The following SVIL variants were observed in gnomAD, a reference collection of about 807,000 sequenced individuals.
SVIL encodes supervillin.
A neutral mutation model predicts 240.4 loss-of-function variants in SVIL; 101 were observed. That is an observed-to-expected ratio of 0.42 (90% CI 0.36 to 0.50). The LOEUF (loss-of-function observed/expected upper bound fraction) is 0.50. Among genes scored for constraint, SVIL ranks in the 20% least tolerant of loss-of-function variants. SVIL has a pLI of 0.01. For synonymous variants in SVIL, 999 were observed against 1,100.0 expected (o/e 0.91, Z 1.82); for missense variants, 2,512 against 2,818.7 (o/e 0.89, Z 2.46).
intron 6 of SVIL, among the ~76,000 whole-genome samples, chr10:29,537,740 G>A (rs1951841460): frequency 6.6e-6 from 1 of 152,148 alleles, no homozygotes; most frequent in South Asian, 2.1e-4. Flanking sequence ...TTTGGTTGGA[G>A]GGGACAGGCA....
chr10:29,711,431 T>C (rs1409634656), intron 1 of SVIL, among the ~76,000 whole-genome samples: 1 of 87,832 alleles, frequency 1.1e-5, no homozygotes, highest in Non-Finnish European at 2.4e-5. Flanking sequence ...GGAAAACAAA[T>C]GCCACCAACA....
chr10:29,638,359 G>A (rs1049153850), upstream of SVIL, among the ~76,000 whole-genome samples: 4 of 152,070 alleles, frequency 2.6e-5, no homozygotes, highest in East Asian at 1.9e-4. Flanking sequence ...CCAGCTTCTC[G>A]GGAGGCTGAG....
Position 29,481,568 on chromosome 10 carries a change from TTGG to T in SVIL, c.5100+13_5100+15del. Reference sequence around the variant, plus strand: ...CGAACCAAGCCCCGAGTTTTGAGGCTTGGTCGCCGGAATACCTTGTGCTGGGCA... The same window carrying T: ...CGAACCAAGCCCCGAGTTTTGAGGCTTCGCCGGAATACCTTGTGCTGGGCA... On this transcript the variant is annotated intron_variant, in intron 28 of 37. Coordinates refer to ENST00000355867, the MANE Select transcript of SVIL (RefSeq NM_021738.3). 1 of 1,612,740 alleles carries T rather than the reference TTGG, an allele frequency of 6.2e-7. No individual in the cohort carries two copies. The highest frequency in any genetic ancestry group is 1.3e-5 in the African/African-American group (1 of 74,854).
At chr10:29,559,215 T>A (rs1331257164) in intron 3 of SVIL, among the ~76,000 whole-genome samples, 2 of 152,008 alleles carry the variant, frequency 1.3e-5, no homozygotes, top group Admixed American at 6.6e-5. Flanking sequence ...TTCAAAAAAA[T>A]TTTTTGTAAT....
At chr10:29,514,570 C>G (rs965610965) in intron 16 of SVIL, among the ~76,000 whole-genome samples, 1 of 152,144 alleles carries the variant, frequency 6.6e-6, no homozygotes, top group Non-Finnish European at 1.5e-5. Flanking sequence ...TTGGTAGAGA[C>G]AGGTGCTTGC....
chr10:29,480,720 C>T lies in SVIL; in HGVS notation c.5194G>A (p.Val1732Ile), dbSNP rs141091614. The T allele has an allele frequency of 6.9e-5, 112 of 1,614,180 alleles. No homozygotes were observed. Among genetic ancestry groups the T allele is most frequent in the Middle Eastern group, 3.3e-4 (2 of 6,062 alleles). Residue 1732 changes from valine to isoleucine, a missense_variant, in exon 29 of 38, where the codon GTC becomes ATC. Val to Ile is a conservative substitution (Grantham distance 29, BLOSUM62 3). Transcript: ENST00000355867. ...TAGTILDGVN[V>I]GRGYGLVEGH... ...TCCACCAGGCCATAGCCACGGCCGA[C>T]GTTCACTCCGTCCAGGATGGTGCCT...
rs765922266 is a variant in SVIL, at chr10:29,554,790, G to A, written c.153C>T (p.Pro51=). 8.1e-6 allele frequency: 13 copies of A among 1,596,560 alleles called. No individual in the cohort carries two copies. The highest frequency in any genetic ancestry group is 4.6e-5 in the South Asian group (4 of 87,870). The change falls in exon 5 of 38, where the codon CCC becomes CCT. Residue 51 remains proline (P), a synonymous_variant. Transcript: ENST00000355867. ...ACCCAGCTCCACGCTCACCGATGTG[G>A]GGGCTGGCAGGGTCGCTGGCTCTCA... ...RYMRASDPAS[P]HIGRSNEEEE...
chr10:29,629,949 C>T lies in SVIL; in HGVS notation c.-201+4471G>A, dbSNP rs534980776. Among the ~76,000 whole-genome samples, 46 of 149,290 alleles carry T rather than the reference C, an allele frequency of 3.1e-4. 4 individuals are homozygous for T. Among genetic ancestry groups the T allele is most frequent in the African/African-American group, 1.1e-3 (46 of 41,186 alleles). On this transcript the variant is annotated intron_variant, in intron 1 of 37. Transcript: ENST00000355867. ...GAACCATGGTCATGCCATTGCATTC[C>T]AACCTGGGTGACCAGGCAAGACTGT...
chr10:29,464,015 C>G (rs1380539778), intron 34 of SVIL, among the ~76,000 whole-genome samples: 1 of 152,232 alleles, frequency 6.6e-6, no homozygotes, highest in Non-Finnish European at 1.5e-5. Flanking sequence ...CCGCATATCT[C>G]CAAAGAGCAC....
intron 1 of SVIL, among the ~76,000 whole-genome samples, chr10:29,724,526 C>T (rs1366507250): frequency 6.6e-6 from 1 of 151,886 alleles, no homozygotes; most frequent in Non-Finnish European, 1.5e-5. Context: ...ATGATGGTGA[C>T]TATTTTTTAA....
intron 1 of SVIL, among the ~76,000 whole-genome samples, chr10:29,609,308 G>A (rs891773198): frequency 6.6e-6 from 1 of 152,162 alleles, no homozygotes; most frequent in Non-Finnish European, 1.5e-5. Context: ...ACCCTTCTGG[G>A]GGCCCAGACC....
intron 1 of SVIL, among the ~76,000 whole-genome samples, chr10:29,704,239 T>C (rs1378026132): frequency 6.6e-6 from 1 of 152,134 alleles, no homozygotes; most frequent in Non-Finnish European, 1.5e-5. Flanking sequence ...TTCTCATAAG[T>C]TTTCCAAGTT....
chr10:29,592,521 G>A (rs1342033367), intron 1 of SVIL, among the ~76,000 whole-genome samples: 2 of 152,136 alleles, frequency 1.3e-5, no homozygotes, highest in Non-Finnish European at 2.9e-5. Flanking sequence ...TTGCAGCTGC[G>A]ATTCTTCCAG....
chr10:29,480,835 T>C lies in SVIL; in HGVS notation c.5101-22A>G, dbSNP rs1380970262. 3 of 1,589,470 alleles carry C rather than the reference T, an allele frequency of 1.9e-6. No individual in the cohort carries two copies. In the South Asian group the frequency reaches 3.3e-5, roughly 18 times the overall value. ...CTTCCTACAGGGGAACACAAAGACA[T>C]CAGTTCAGTTGCCTGTTTCTGCAGC... On this transcript the variant is annotated intron_variant, in intron 28 of 37. Transcript: ENST00000355867.
intron 1 of SVIL, among the ~76,000 whole-genome samples, chr10:29,702,525 C>G (rs1962597959): frequency 6.6e-6 from 1 of 152,188 alleles, no homozygotes. Context: ...CAGCCAGTAT[C>G]AGGAAGTTAG....
upstream of SVIL, among the ~76,000 whole-genome samples, chr10:29,638,643 G>A (rs1391404223): frequency 9.2e-5 from 14 of 151,994 alleles, no homozygotes; most frequent in South Asian, 2.1e-4. Context: ...GCCATCTTAC[G>A]AATTTCAAAC....
intron 1 of SVIL, among the ~76,000 whole-genome samples, chr10:29,569,561 T>C (rs1357561448): frequency 6.6e-6 from 1 of 152,126 alleles, no homozygotes; most frequent in Admixed American, 6.5e-5. Flanking sequence ...ATGAAAATAA[T>C]AACAACAATA....
chr10:29,523,870 A>G lies in SVIL; in HGVS notation c.2744T>C (p.Ile915Thr), dbSNP rs1227721592. Residue 915 changes from isoleucine (I) to threonine (T), a missense_variant, in exon 15 of 38, where the codon ATA (isoleucine) becomes ACA (threonine). Ile to Thr is a moderately conservative substitution (Grantham distance 89). This residue lies in a region of SVIL where 1,443 missense variants were observed against 1,486.6 expected (regional missense o/e 0.97). Coordinates refer to ENST00000355867, the MANE Select transcript of SVIL (RefSeq NM_021738.3). ...TCTAACTGGAGAGTCCGAATTTTCT[A>G]TTGAAGAAGAAAACTTATAGTCAGT... ...SATDYKFSSS[I>T]ENSDSPVRSI... The G allele has an allele frequency of 6.2e-7, 1 of 1,614,068 alleles. No homozygotes were observed. Among genetic ancestry groups the G allele is most frequent in the Non-Finnish European group, 8.5e-7 (1 of 1,180,052 alleles).
intron 1 of SVIL, among the ~76,000 whole-genome samples, chr10:29,728,421 C>T (rs1430063912): frequency 1.3e-5 from 2 of 152,058 alleles, no homozygotes; most frequent in African/African-American, 2.4e-5. Flanking sequence ...TCCAAAGAAC[C>T]CTTTTTAAAA....
Sources: allele counts gnomAD v4.1 joint callset (sites outside exome capture counted in the v4.1 genomes callset), GRCh38; gene constraint gnomAD v4.1.1; regional missense constraint gnomAD v4.1.1; transcripts MANE v1.5; gene names NCBI Gene and HGNC (gene_info 2026-07-23, HGNC 2026-07-21).